Variants in HS3ST4 observed in about 807,000 individuals in gnomAD.
The protein encoded by HS3ST4 is heparan sulfate glucosamine 3-O-sulfotransferase 4.
HS3ST4 carries 17 observed loss-of-function variants against 29.2 expected under a neutral mutation model. The observed-to-expected ratio is 0.58, with a 90% CI of 0.40 to 0.87. The LOEUF (loss-of-function observed/expected upper bound fraction) is 0.87, where lower values mean the gene tolerates loss of function less well. Among genes scored for constraint, HS3ST4 ranks in the 40% least tolerant of loss-of-function variants. HS3ST4 has a pLI of 0.00. For missense variants in HS3ST4, 627 were observed against 634.5 expected, an observed-to-expected ratio of 0.99 and a Z score of 0.13; for synonymous variants, 314 against 285.7, an observed-to-expected ratio of 1.10 and a Z score of -1.00.
At chr16:26,031,004 G>T (rs553224726) in intron 1 of HS3ST4, among the ~76,000 whole-genome samples, 1 of 152,334 alleles carries the variant, frequency 6.6e-6, no homozygotes, top group African/African-American at 2.4e-5. Context: ...AGAAGTATTT[G>T]TGAAGGATAG....
intron 1 of HS3ST4, among the ~76,000 whole-genome samples, chr16:25,736,407 G>T (rs756958435): frequency 1.3e-5 from 2 of 152,188 alleles, no homozygotes; most frequent in African/African-American, 2.4e-5. Context: ...GTGTGACTGT[G>T]AAGATTACGT....
At chr16:26,095,863 C>G (rs1215875891) in intron 1 of HS3ST4, among the ~76,000 whole-genome samples, 2 of 151,950 alleles carry the variant, frequency 1.3e-5, no homozygotes, top group Non-Finnish European at 2.9e-5. Context: ...AATTGATAGA[C>G]CACTAGCAAG....
At chr16:25,844,750 T>A (rs950215053) in intron 1 of HS3ST4, among the ~76,000 whole-genome samples, 8 of 152,204 alleles carry the variant, frequency 5.3e-5, no homozygotes, top group Non-Finnish European at 8.8e-5. Flanking sequence ...GATGCATGCA[T>A]GTGTATGTTC....
intron 1 of HS3ST4, among the ~76,000 whole-genome samples, chr16:25,974,088 G>A (rs771881650): frequency 2.0e-5 from 3 of 152,146 alleles, no homozygotes; most frequent in Admixed American, 1.3e-4. Flanking sequence ...TCTTACATAC[G>A]CTTCTTACAC....
At chr16:26,006,378 T>C (rs1969258859) in intron 1 of HS3ST4, among the ~76,000 whole-genome samples, 1 of 151,420 alleles carries the variant, frequency 6.6e-6, no homozygotes, top group African/African-American at 2.4e-5. Context: ...TTTCAGTTTG[T>C]TTGTTTGTTG....
chr16:25,706,418 C>T (rs1020301800), intron 1 of HS3ST4, among the ~76,000 whole-genome samples: 1 of 151,980 alleles, frequency 6.6e-6, no homozygotes, highest in Non-Finnish European at 1.5e-5. Flanking sequence ...ACTTTAAGTT[C>T]TGGGATACAT....
At chr16:25,860,371 A>AG (rs764723511) in intron 1 of HS3ST4, among the ~76,000 whole-genome samples, 45 of 152,306 alleles carry the variant, frequency 3.0e-4, no homozygotes, top group Non-Finnish European at 6.2e-4. Context: ...TACCCGAAGG[A>AG]GAAGAAAACT....
chr16:25,810,290 T>G (rs1967030251), intron 1 of HS3ST4, among the ~76,000 whole-genome samples: 1 of 152,208 alleles, frequency 6.6e-6, no homozygotes, highest in Admixed American at 6.5e-5. Context: ...CTGCTATTGA[T>G]TTTTAGTTTG....
At chr16:25,737,088 G>T (rs751136256) in intron 1 of HS3ST4, among the ~76,000 whole-genome samples, 1 of 151,948 alleles carries the variant, frequency 6.6e-6, no homozygotes, top group Non-Finnish European at 1.5e-5. Flanking sequence ...ATGCAGGTTT[G>T]TTATATAGGT....
intron 1 of HS3ST4, among the ~76,000 whole-genome samples, chr16:25,844,341 A>G (rs1967443860): frequency 6.6e-6 from 1 of 152,214 alleles, no homozygotes. Flanking sequence ...TTATTCATCC[A>G]GGGATTCTTT....
At chr16:25,789,524 C>T (rs969916627) in intron 1 of HS3ST4, among the ~76,000 whole-genome samples, 3 of 149,736 alleles carry the variant, frequency 2.0e-5, no homozygotes, top group Admixed American at 6.7e-5. Flanking sequence ...CTTTCCTCCC[C>T]CTCCTCCTCT....
intron 1 of HS3ST4, among the ~76,000 whole-genome samples, chr16:26,014,071 C>CACTCCT (rs1402124977): frequency 2.0e-5 from 3 of 148,374 alleles, no homozygotes; most frequent in African/African-American, 5.0e-5. Flanking sequence ...TAAAAACACC[C>CACTCCT]ACTCCTACTC....
intron 1 of HS3ST4, among the ~76,000 whole-genome samples, chr16:25,901,456 A>G (rs1266628124): frequency 6.6e-6 from 1 of 152,252 alleles, no homozygotes; most frequent in East Asian, 1.9e-4. Flanking sequence ...GGATCACTGG[A>G]GGTCAGGAGT....
chr16:25,895,815 C>T (rs1209069560), intron 1 of HS3ST4, among the ~76,000 whole-genome samples: 1 of 152,072 alleles, frequency 6.6e-6, no homozygotes, highest in African/African-American at 2.4e-5. Context: ...CCTGAGGGCC[C>T]CCATGACCTA....
intron 1 of HS3ST4, among the ~76,000 whole-genome samples, chr16:25,837,456 A>G (rs1040326884): frequency 6.6e-6 from 1 of 152,214 alleles, no homozygotes; most frequent in Admixed American, 6.5e-5. Flanking sequence ...TTGTTTTTAA[A>G]AAGACTAGGG....
At chr16:25,920,807 A>G (rs1054394712) in intron 1 of HS3ST4, among the ~76,000 whole-genome samples, 1 of 151,902 alleles carries the variant, frequency 6.6e-6, no homozygotes, top group African/African-American at 2.4e-5. Context: ...ACAGGGTGAC[A>G]GGGTTTCACC....
intron 1 of HS3ST4, among the ~76,000 whole-genome samples, chr16:25,804,050 A>G (rs1228520118): frequency 6.6e-6 from 1 of 152,108 alleles, no homozygotes; most frequent in Non-Finnish European, 1.5e-5. Context: ...ACAGACTTGA[A>G]AACTCTGAGT....
intron 1 of HS3ST4, among the ~76,000 whole-genome samples, chr16:25,878,849 C>A (rs190566599): frequency 6.6e-6 from 1 of 152,100 alleles, no homozygotes; most frequent in Non-Finnish European, 1.5e-5. Context: ...TACCAGATAT[C>A]GGGCCAAGGG....
At chr16:25,710,871 C>CA (rs1037298116) in intron 1 of HS3ST4, among the ~76,000 whole-genome samples, 10 of 119,108 alleles carry the variant, frequency 8.4e-5, no homozygotes, top group Admixed American at 2.3e-4. Context: ...GGCTGGAGTA[C>CA]AGTGGCTCAA....
Sources: allele counts gnomAD v4.1 joint callset (sites outside exome capture counted in the v4.1 genomes callset), GRCh38; gene constraint gnomAD v4.1.1; transcripts MANE v1.5; gene names NCBI Gene and HGNC (gene_info 2026-07-23, HGNC 2026-07-21).